Variants in ZNF362 observed in about 807,000 individuals in gnomAD.
The protein encoded by ZNF362 is zinc finger protein 362.
In ZNF362, 11 loss-of-function variants were observed where a neutral mutation model predicts 42.9. The ratio of observed to expected loss-of-function variants is 0.26; its 90% CI spans 0.16 to 0.42. The LOEUF is 0.42. Among genes scored for constraint, ZNF362 ranks in the 20% least tolerant of loss-of-function variants. The pLI is 1.00. For synonymous variants in ZNF362, 255 were observed against 257.3 expected, an observed-to-expected ratio of 0.99 and a Z score of 0.09; for missense variants, 362 against 576.2, an observed-to-expected ratio of 0.63 and a Z score of 3.81.
chr1:33,151,165 G>A, the ZNF362 span, among the ~76,000 whole-genome samples: 20 of 152,240 alleles, frequency 1.3e-4, no homozygotes, highest in East Asian at 2.9e-3. Flanking sequence ...GAGACCAGTA[G>A]ACAAAGATAA....
At chr1:33,242,732 A>G in the ZNF362 span, among the ~76,000 whole-genome samples, 27 of 152,218 alleles carry the variant, frequency 1.8e-4, no homozygotes. Context: ...TGCAAGGTGT[A>G]AATATCTCAT....
chr1:33,149,938 C>T, the ZNF362 span, among the ~76,000 whole-genome samples: 1 of 152,208 alleles, frequency 6.6e-6, no homozygotes, highest in African/African-American at 2.4e-5. Flanking sequence ...TCCGGAAAGA[C>T]TCACCAAATT....
chr1:33,250,201 C>A, the ZNF362 span, among the ~76,000 whole-genome samples: 1 of 152,174 alleles, frequency 6.6e-6, no homozygotes, highest in South Asian at 2.1e-4. Context: ...TGTAGCCAAC[C>A]ACTTCCCTTC....
rs946432840 is a variant in ZNF362 at position 33,277,554 on chromosome 1, G to T, written c.349+960G>T. 3.3e-5 allele frequency among the ~76,000 whole-genome samples: 5 copies of T among 152,206 alleles called. No individual in the cohort carries two copies. The South Asian group carries it at 1.0e-3, about 32-fold the overall frequency. ...AAACCGAGTCTGGCTGCTAGGTGGA[G>T]ACCCGGTTGTCAGGGGGTAAGCATG... On this transcript the variant is annotated intron_variant, in intron 4 of 8. Transcript: ENST00000539719.
chr1:33,218,327 G>A, the ZNF362 span, among the ~76,000 whole-genome samples: 2 of 152,128 alleles, frequency 1.3e-5, no homozygotes, highest in Admixed American at 6.5e-5. Flanking sequence ...TATGGTCCAC[G>A]CTACTTGAGA....
At chr1:33,189,015 A>C in the ZNF362 span, among the ~76,000 whole-genome samples, 1 of 152,248 alleles carries the variant, frequency 6.6e-6, no homozygotes, top group Non-Finnish European at 1.5e-5. Context: ...TGAACTGTTC[A>C]CTACTGCCTG....
chr1:33,203,427 T>C, the ZNF362 span, among the ~76,000 whole-genome samples: 4 of 152,240 alleles, frequency 2.6e-5, no homozygotes, highest in African/African-American at 9.6e-5. Context: ...AATGCTGCAA[T>C]GAACATGGGA....
chr1:33,218,720 T>G, the ZNF362 span, among the ~76,000 whole-genome samples: 8 of 152,136 alleles, frequency 5.3e-5, no homozygotes, highest in Non-Finnish European at 5.9e-5. Context: ...AATTTGTTTG[T>G]TTCTTATTGC....
At chr1:33,238,381 T>TAATAAAATAAAATAAATAAAATA in the ZNF362 span, among the ~76,000 whole-genome samples, 1 of 105,526 alleles carries the variant, frequency 9.5e-6, no homozygotes, top group Non-Finnish European at 2.0e-5. Flanking sequence ...TAAAATAAAA[T>TAATAAAATAAAATAAATAAAATA]AAATAAAATA....
the ZNF362 span, among the ~76,000 whole-genome samples, chr1:33,236,550 A>AATATATATATATATATATAT: frequency 1.7e-3 from 10 of 5,976 alleles, no homozygotes; most frequent in Admixed American, 0.013. Flanking sequence ...AAAAAAAAAA[A>AATATATATATATATATATAT]ATATATATAT....
chr1:33,234,005 A>T, the ZNF362 span, among the ~76,000 whole-genome samples: 3 of 152,248 alleles, frequency 2.0e-5, no homozygotes, highest in Non-Finnish European at 2.9e-5. Context: ...GGCCTGACAC[A>T]TAGGAAGTAC....
At chr1:33,207,107 C>A in the ZNF362 span, among the ~76,000 whole-genome samples, 4 of 151,888 alleles carry the variant, frequency 2.6e-5, no homozygotes, top group Non-Finnish European at 4.4e-5. Context: ...CCCAGCCCCC[C>A]ACTCCCCAAC....
the ZNF362 span, among the ~76,000 whole-genome samples, chr1:33,189,452 A>G: frequency 6.6e-6 from 1 of 151,638 alleles, no homozygotes; most frequent in Non-Finnish European, 1.5e-5. Flanking sequence ...TGGATCTGAC[A>G]GTACACAACT....
chr1:33,276,505 A>G lies in ZNF362; in HGVS notation c.260A>G (p.Lys87Arg). The G allele has an allele frequency of 6.4e-7, 1 of 1,571,078 alleles. No homozygotes were observed. Among genetic ancestry groups the G allele is most frequent in the Non-Finnish European group, 8.6e-7 (1 of 1,163,052 alleles). ...ESSQAVMSLP[K>R]LQQVPGLHPQ... ...AGCCAGGCCGTCATGTCGCTGCCCA[A>G]GCTGCAGCAGGTGCCGGGGCTGCAT... Residue 87 changes from lysine to arginine, a missense_variant, in exon 4 of 9, where the codon AAG becomes AGG. Coordinates refer to ENST00000539719, the MANE Select transcript of ZNF362 (RefSeq NM_152493.3).
the ZNF362 span, among the ~76,000 whole-genome samples, chr1:33,178,496 A>G: frequency 2.0e-5 from 3 of 152,222 alleles, no homozygotes; most frequent in Non-Finnish European, 2.9e-5. Context: ...GAGTCTGGGC[A>G]TTCACTCAGC....
chr1:33,162,615 G>A, the ZNF362 span, among the ~76,000 whole-genome samples: 4 of 152,290 alleles, frequency 2.6e-5, no homozygotes, highest in East Asian at 1.9e-4. Flanking sequence ...AGATTGCTCC[G>A]TAGAGCTGGG....
At chr1:33,153,871 T>A in the ZNF362 span, among the ~76,000 whole-genome samples, 1 of 152,236 alleles carries the variant, frequency 6.6e-6, no homozygotes, top group Non-Finnish European at 1.5e-5. Flanking sequence ...CTGTGCTAGC[T>A]GCTGGGAGTG....
upstream of ZNF362, among the ~76,000 whole-genome samples, chr1:33,255,095 C>T (rs950113534): frequency 1.3e-5 from 2 of 152,210 alleles, no homozygotes; most frequent in Admixed American, 6.5e-5. Context: ...TTCTTGTGCC[C>T]CTGCTCTGTG....
chr1:33,214,169 C>T, the ZNF362 span, among the ~76,000 whole-genome samples: 1 of 152,104 alleles, frequency 6.6e-6, no homozygotes, highest in Non-Finnish European at 1.5e-5. Context: ...TAGCTGAATG[C>T]ACACCCCTAA....
Sources: allele counts gnomAD v4.1 joint callset (sites outside exome capture counted in the v4.1 genomes callset), GRCh38; gene constraint gnomAD v4.1.1; transcripts MANE v1.5; gene names NCBI Gene and HGNC (gene_info 2026-07-23, HGNC 2026-07-21).